The following SVOPL variants were observed in gnomAD, a reference collection of about 807,000 sequenced individuals.
SVOPL encodes putative transporter SVOPL.
Under a neutral mutation model 61.0 loss-of-function variants are expected in SVOPL, and 60 were observed. The ratio of observed to expected loss-of-function variants is 0.98; its 90% CI spans 0.80 to 1.22. The LOEUF (loss-of-function observed/expected upper bound fraction) is 1.22, where lower values mean the gene tolerates loss of function less well. Among genes scored for constraint, SVOPL ranks in the 50% most tolerant of loss-of-function variants. SVOPL has a pLI of 0.00. For synonymous variants in SVOPL, 279 were observed against 250.0 expected (o/e 1.12, Z -1.09); for missense variants, 662 against 643.9 (o/e 1.03, Z -0.30).
chr7:138,681,431 A>G (rs1399065443), intron 1 of SVOPL, among the ~76,000 whole-genome samples: 1 of 151,886 alleles, frequency 6.6e-6, no homozygotes, highest in Non-Finnish European at 1.5e-5. Context: ...ATTCTGGCTC[A>G]GGGACAGGAA....
At chr7:138,619,426 C>CT (rs1277095369) in intron 14 of SVOPL, among the ~76,000 whole-genome samples, 1 of 151,678 alleles carries the variant, frequency 6.6e-6, no homozygotes, top group African/African-American at 2.4e-5. Context: ...AAAATGACAA[C>CT]TTTTTTCATC....
chr7:138,626,282 C>G (rs1403947161), intron 12 of SVOPL, among the ~76,000 whole-genome samples: 1 of 152,198 alleles, frequency 6.6e-6, no homozygotes, highest in Non-Finnish European at 1.5e-5. Flanking sequence ...CCTGGCCCCT[C>G]ACATTAGCAT....
At chr7:138,614,453 T>C (rs904015746) in intron 14 of SVOPL, among the ~76,000 whole-genome samples, 2 of 149,810 alleles carry the variant, frequency 1.3e-5, no homozygotes, top group Non-Finnish European at 3.0e-5. Flanking sequence ...TGGAGTGCAA[T>C]GGCGCGATCT....
intron 8 of SVOPL, among the ~76,000 whole-genome samples, chr7:138,647,190 A>G (rs999490718): frequency 1.3e-5 from 2 of 152,164 alleles, no homozygotes; most frequent in African/African-American, 4.8e-5. Context: ...CCTGGCCAAC[A>G]TGGTGAAACC....
At position 138,630,078 on chromosome 7, in the gene SVOPL, T is replaced by G. The variant is rs199975503; in HGVS notation, c.834A>C (p.Leu278Phe). Residue 278 changes from leucine to phenylalanine, a missense_variant, in exon 10 of 16, where the codon TTA becomes TTC. Leu to Phe is a conservative substitution (Grantham distance 22). Transcript: ENST00000674285. The part of the protein sequence containing the change: ...RFADLLDAKY[L>F]RTTLQIWVIW... ...TGACCCAGATCTGTAATGTGGTCCG[T>G]AAATATTTAGCATCCAATAGGTCTG... is the stretch of plus-strand genomic sequence containing the variant. The G allele has an allele frequency of 1.1e-5, 18 of 1,614,034 alleles. No homozygotes were observed. In the Admixed American group the frequency reaches 1.7e-4, roughly 15 times the overall value.
At position 138,651,130 on chromosome 7, in the gene SVOPL, G is replaced by A. The variant is rs140140003; in HGVS notation, c.535-1993C>T. On this transcript the variant is annotated intron_variant, in intron 7 of 15. Transcript: ENST00000674285. ...TTCTGGACTTGGAACCACCAGGATC[G>A]TTGGAAGGGAGGTAGGACAGCCTAA... is the stretch of plus-strand genomic sequence containing the variant. Among the ~76,000 whole-genome samples, 1,234 of 152,130 alleles carry A rather than the reference G, an allele frequency of 8.1e-3. 15 individuals are homozygous for A. The highest frequency in any genetic ancestry group is 0.026 in the African/African-American group (1,097 of 41,498).
Position 138,669,542 on chromosome 7 carries a change from C to G in SVOPL, c.273+2477G>C, listed in dbSNP as rs542149074. 2.6e-5 allele frequency among the ~76,000 whole-genome samples: 4 copies of G among 152,330 alleles called. No individual in the cohort carries two copies. The South Asian group carries it at 8.3e-4, about 32-fold the overall frequency. ...GCTGGGGGTATCACATTGCTCCAGA[C>G]TTTTCACCTAGTCCTCTGAGGGCAG... is the stretch of plus-strand genomic sequence containing the variant. On this transcript the variant is annotated intron_variant, in intron 4 of 15. Coordinates refer to ENST00000674285, the MANE Select transcript of SVOPL (RefSeq NM_001139456.2).
At chr7:138,658,861 T>C (rs1043910241) in intron 6 of SVOPL, among the ~76,000 whole-genome samples, 2 of 151,992 alleles carry the variant, frequency 1.3e-5, no homozygotes, top group Non-Finnish European at 2.9e-5. Context: ...GAAATAAAAT[T>C]TGAAGTGCCC....
rs746144766 is a variant in SVOPL, at chr7:138,649,062, G to A, written c.610C>T (p.Leu204Phe). ...VIIPTIGWRWLIRVASIPGII... is the reference protein window; with the variant it reads ...VIIPTIGWRWFIRVASIPGII... Reference sequence around the variant, plus strand: ...CCCGGGATGGAGGCGACGCGAATGAGCCAGCGCCACCCGATGGTGGGGATG... The same window carrying A: ...CCCGGGATGGAGGCGACGCGAATGAACCAGCGCCACCCGATGGTGGGGATG... The change falls in exon 8 of 16, where the codon CTC becomes TTC. Residue 204 changes from leucine (L) to phenylalanine (F), a missense_variant. Transcript: ENST00000674285. 5 of 1,613,884 alleles carry A rather than the reference G, an allele frequency of 3.1e-6. No homozygotes were observed. Among genetic ancestry groups the A allele is most frequent in the East Asian group, 2.2e-5 (1 of 44,838 alleles).
At chr7:138,596,260 AAAAC>A (rs946469547) in intron 15 of SVOPL, among the ~76,000 whole-genome samples, 153 bp downstream of exon 15, 2 of 152,170 alleles carry the variant, frequency 1.3e-5, no homozygotes, top group African/African-American at 4.8e-5. Flanking sequence ...TGTTACTAGA[AAAAC>A]AAAGTCCTTG....
At chr7:138,687,322 G>A (rs1416173837) in intron 1 of SVOPL, among the ~76,000 whole-genome samples, 1 of 125,354 alleles carries the variant, frequency 8.0e-6, no homozygotes, top group Non-Finnish European at 1.6e-5. Flanking sequence ...CACAACCTCC[G>A]CCTCCTGAGT....
Position 138,678,588 on chromosome 7 carries a change from T to C in SVOPL, c.83-63A>G, listed in dbSNP as rs182132528. On this transcript the variant is annotated intron_variant, in intron 2 of 15. Transcript: ENST00000674285. ...CAGGGAAGGGAATGCGTGTGGACTA[T>C]CAGCTTCAGAAAGCCAACCCATTAT... 4.9e-4 allele frequency: 731 copies of C among 1,486,554 alleles called. 1 individual carries two copies. The Middle Eastern group carries it at 8.3e-3, about 17-fold the overall frequency. The allele number at this position is 1,486,554 out of a possible 1,614,324, so 92.1% of individuals were successfully genotyped here.
chr7:138,672,163 A>C lies in SVOPL; in HGVS notation c.175-46T>G, dbSNP rs1461061491. 3 of 1,521,080 alleles carry C rather than the reference A, an allele frequency of 2.0e-6. No individual in the cohort carries two copies. The South Asian group carries it at 3.6e-5, about 18-fold the overall frequency. The allele number at this position is 1,521,080 out of a possible 1,614,324, so 94.2% of individuals were successfully genotyped here. A position where few individuals can be genotyped will look rare whatever the true frequency, so the allele number is the denominator to read the frequency against. ...TGCCATGTCTAAGTGCCAGCTTGTC[A>C]TCACTTCTTCTCATATCTGCCTGCC... On this transcript the variant is annotated intron_variant, in intron 3 of 15. Coordinates refer to ENST00000674285, the MANE Select transcript of SVOPL (RefSeq NM_001139456.2).
intron 8 of SVOPL, 90 bp downstream of exon 8, chr7:138,648,922 G>T (rs1436136116): frequency 6.4e-7 from 1 of 1,572,932 alleles, no homozygotes; most frequent in Admixed American, 1.8e-5. Context: ...ACTCTGTCTC[G>T]AGGGGGAAAA....
At chr7:138,608,470 G>C (rs1798851330) in intron 14 of SVOPL, among the ~76,000 whole-genome samples, 1 of 152,150 alleles carries the variant, frequency 6.6e-6, no homozygotes, top group Admixed American at 6.5e-5. Flanking sequence ...TTTTCAATAC[G>C]TCGTGTTGAG....
intron 1 of SVOPL, among the ~76,000 whole-genome samples, chr7:138,686,690 C>T (rs1368042800): frequency 2.0e-5 from 3 of 151,158 alleles, no homozygotes; most frequent in Admixed American, 2.0e-4. Flanking sequence ...CTCAGCCTCC[C>T]GAGTAGCATG....
chr7:138,606,919 A>C (rs1429562939), intron 14 of SVOPL, among the ~76,000 whole-genome samples: 3 of 151,810 alleles, frequency 2.0e-5, no homozygotes, highest in Non-Finnish European at 4.4e-5. Context: ...ATACCATTGC[A>C]CTCCAGCCTG....
rs1799628782 is a variant in SVOPL at position 138,622,036 on chromosome 7, ATG to A, written c.1264-903_1264-902del. On this transcript the variant is annotated intron_variant, in intron 13 of 15. Coordinates refer to ENST00000674285, the MANE Select transcript of SVOPL (RefSeq NM_001139456.2). ...TATCTATGTATCTATCTATCTATCTATGTATCTATCTATCTATGTATCTATCT... is the reference window on the plus strand; with the variant it reads ...TATCTATGTATCTATCTATCTATCTATATCTATCTATCTATGTATCTATCT... Among the ~76,000 whole-genome samples the A allele has an allele frequency of 9.1e-5, 13 of 142,648 alleles. No homozygotes were observed. In the South Asian group the frequency reaches 3.0e-3, roughly 33 times the overall value. The allele number at this position is 142,648 out of a possible 152,430, so 93.6% of individuals were successfully genotyped here.
intron 4 of SVOPL, chr7:138,664,324 C>T (rs1347355082): frequency 1.7e-5 from 13 of 776,808 alleles, no homozygotes; most frequent in Non-Finnish European, 2.0e-5. Flanking sequence ...AATCCTCCAT[C>T]GGACACACCC....
Sources: allele counts gnomAD v4.1 joint callset (sites outside exome capture counted in the v4.1 genomes callset), GRCh38; gene constraint gnomAD v4.1.1; transcripts MANE v1.5; gene names NCBI Gene and HGNC (gene_info 2026-07-23, HGNC 2026-07-21).